The following ANKRD36 variants were observed in gnomAD, a reference collection of about 807,000 sequenced individuals.
ANKRD36 encodes ankyrin repeat domain 36.
Under a neutral mutation model 278.1 loss-of-function variants are expected in ANKRD36, and 179 were observed. The ratio of observed to expected loss-of-function variants is 0.64; its 90% CI spans 0.57 to 0.73. ANKRD36 has a LOEUF of 0.73. Ranked by LOEUF, ANKRD36 falls within the 30% of genes least tolerant of loss-of-function variation. ANKRD36 has a pLI of 0.00. For synonymous variants in ANKRD36, 320 were observed against 641.1 expected (o/e 0.50, Z 7.57); for missense variants, 1,159 against 1,956.7 (o/e 0.59, Z 7.69).
At chr2:97,207,441 G>T (rs1241136422) in intron 52 of ANKRD36, among the ~76,000 whole-genome samples, 8 of 151,522 alleles carry the variant, frequency 5.3e-5, no homozygotes, top group Non-Finnish European at 1.2e-4. Context: ...CTGCATGAAA[G>T]ACATGTGGGA....
intron 37 of ANKRD36, 21 bp from the exon 38 acceptor site, chr2:97,192,960 T>A (rs1427367824): frequency 1.9e-6 from 3 of 1,585,470 alleles, no homozygotes; most frequent in Non-Finnish European, 2.6e-6. Flanking sequence ...AATTTATTAT[T>A]TCATTTGAAA....
At chr2:97,198,830 A>G (rs1374717395) in intron 44 of ANKRD36, among the ~76,000 whole-genome samples, 172 bp downstream of exon 44, 1 of 151,772 alleles carries the variant, frequency 6.6e-6, no homozygotes, top group East Asian at 1.9e-4. Flanking sequence ...GGTCTGGAAC[A>G]TGATCTTCGC....
intron 6 of ANKRD36, among the ~76,000 whole-genome samples, chr2:97,132,898 C>G (rs907959220): frequency 6.6e-6 from 1 of 152,038 alleles, no homozygotes; most frequent in Non-Finnish European, 1.5e-5. Context: ...CAGTATGAGT[C>G]TGACTAGAGA....
In ANKRD36 at chr2:97,207,998, C is replaced by G. The variant is rs771949910; in HGVS notation, c.3257C>G (p.Thr1086Ser). 2.0e-6 allele frequency: 3 copies of G among 1,520,052 alleles called. No individual in the cohort carries two copies. Among genetic ancestry groups the G allele is most frequent in the Non-Finnish European group, 1.8e-6 (2 of 1,130,916 alleles). 94.2% of individuals were successfully genotyped at this position (1,520,052 alleles called of 1,614,324 possible). A position where few individuals can be genotyped will look rare whatever the true frequency, so the allele number is the denominator to read the frequency against. The stretch of plus-strand genomic sequence containing the variant: ...AGAGGAAAAAAGTATGGAGAAAAAA[C>G]TAAGAGAGGTAATTTTGAAAAGAGA... ...IARGKKYGEK[T>S]KRVSSRKKPA... Residue 1086 changes from threonine (T) to serine (S), a missense_variant, in exon 54 of 76, where the codon ACT becomes AGT. Physicochemically the swap from Thr to Ser is moderately conservative, Grantham distance 58 (BLOSUM62 1). Coordinates refer to ENST00000420699, the MANE Select transcript of ANKRD36 (RefSeq NM_001354587.1).
intron 54 of ANKRD36, 94 bp from the exon 55 acceptor site, chr2:97,209,587 A>T: frequency 6.4e-7 from 1 of 1,569,650 alleles, no homozygotes; most frequent in Non-Finnish European, 8.6e-7. Flanking sequence ...TAATACAGGC[A>T]GGAGGACAGA....
chr2:97,195,267 C>T (rs1485585405), intron 40 of ANKRD36, among the ~76,000 whole-genome samples: 2 of 151,906 alleles, frequency 1.3e-5, no homozygotes, highest in African/African-American at 2.4e-5. Context: ...GACGTCACAT[C>T]GTAGTGCTAA....
intron 40 of ANKRD36, among the ~76,000 whole-genome samples, chr2:97,195,508 A>G (rs2059514463): frequency 6.6e-6 from 1 of 152,026 alleles, no homozygotes; most frequent in African/African-American, 2.4e-5. Context: ...TGGCAGCTCC[A>G]GCAACTGCTG....
At chr2:97,119,807 GC>G (rs1379575639) in intron 3 of ANKRD36, among the ~76,000 whole-genome samples, 1 of 7,640 alleles carries the variant, frequency 1.3e-4, no homozygotes, top group East Asian at 8.7e-4. Context: ...GCCTCTAACA[GC>G]AACAACACAA....
rs1358051277 is a variant in ANKRD36, at chr2:97,118,386, C to G, written c.355C>G (p.Gln119Glu). ...GGAGGCTTGTGCAACTCTTCTGCTG[C>G]AAAATGGCGCCAATCCAAATATTAC... ...RQEACATLLL[Q>E]NGANPNITDF... The change falls in exon 3 of 76, where the codon CAA (glutamine) becomes GAA (glutamate). Residue 119 changes from glutamine to glutamate, a missense_variant. Gln to Glu is a conservative substitution (Grantham distance 29). Transcript: ENST00000420699. 1 of 1,608,760 alleles carries G rather than the reference C, an allele frequency of 6.2e-7. No individual in the cohort carries two copies. Among genetic ancestry groups the G allele is most frequent in the Non-Finnish European group, 8.5e-7 (1 of 1,177,768 alleles).
Position 97,164,107 on chromosome 2 carries a change from A to G in ANKRD36, c.1430-176A>G, listed in dbSNP as rs531013585. The G allele has an allele frequency of 1.3e-4, 125 of 985,414 alleles. No homozygotes were observed. In the African/African-American group the frequency reaches 2.0e-3, roughly 16 times the overall value. 61.0% of individuals were successfully genotyped at this position (985,414 alleles called of 1,614,324 possible). The stretch of plus-strand genomic sequence containing the variant: ...ATCTATATTGTGATTTTTCATGTGT[A>G]TATTCCTGTCATGTTTGTTTGCTAA... On this transcript the variant is annotated intron_variant, in intron 18 of 75. Coordinates refer to ENST00000420699, the MANE Select transcript of ANKRD36 (RefSeq NM_001354587.1).
rs1298890259 is a variant in ANKRD36 at position 97,174,945 on chromosome 2, T to C, written c.1634-4793T>C. Among the ~76,000 whole-genome samples, 4 of 145,946 alleles carry C rather than the reference T, an allele frequency of 2.7e-5. 1 individual carries two copies. In the South Asian group the frequency reaches 6.6e-4, roughly 24 times the overall value. ...GATTACATTTATTGATTTGCATATA[T>C]TGAACCAGCCTTGCATCCCAGGGAT... On this transcript the variant is annotated intron_variant, in intron 22 of 75. Transcript: ENST00000420699.
At chr2:97,125,711 A>G (rs142630510) in intron 5 of ANKRD36, among the ~76,000 whole-genome samples, 3,376 of 151,636 alleles carry the variant, frequency 0.022, 26 homozygotes, top group Non-Finnish European at 0.032. Flanking sequence ...GTGATCTGTT[A>G]TCTATAATAA....
At chr2:97,206,166 T>A (rs1350641550) in intron 52 of ANKRD36, 31 bp downstream of exon 52, 1 of 1,507,538 alleles carries the variant, frequency 6.6e-7, no homozygotes, top group Non-Finnish European at 8.9e-7. Flanking sequence ...AATGCCATGT[T>A]CAGTCGAGAT....
chr2:97,184,512 T>C (rs1347186744), intron 28 of ANKRD36, among the ~76,000 whole-genome samples: 1 of 151,798 alleles, frequency 6.6e-6, no homozygotes, highest in Non-Finnish European at 1.5e-5. Context: ...AATGTATTAA[T>C]TGAATCCTAA....
intron 6 of ANKRD36, among the ~76,000 whole-genome samples, chr2:97,132,899 T>C (rs1237287143): frequency 6.6e-6 from 1 of 152,116 alleles, no homozygotes; most frequent in Non-Finnish European, 1.5e-5. Context: ...AGTATGAGTC[T>C]GACTAGAGAC....
At chr2:97,171,347 T>G (rs2052429877) in intron 22 of ANKRD36, among the ~76,000 whole-genome samples, 1 of 147,016 alleles carries the variant, frequency 6.8e-6, no homozygotes, top group African/African-American at 2.5e-5. Context: ...GTGGCACATA[T>G]ACACCATGGA....
rs1249440646 is a variant in ANKRD36 at position 97,183,492 on chromosome 2, T to TTA, written c.1866+6_1866+7dup. On this transcript the variant is annotated splice_donor_region_variant and intron_variant, in intron 27 of 75. Coordinates refer to ENST00000420699, the MANE Select transcript of ANKRD36 (RefSeq NM_001354587.1). ...CAGAAACAATCGGCCTGGAAGGTAG[T>TTA]TACTCTTTCATTTATATTTTGAATT... 6.4e-7 allele frequency: 1 copy of TTA among 1,562,958 alleles called. No homozygotes were observed. Among genetic ancestry groups the TTA allele is most frequent in the African/African-American group, 1.4e-5 (1 of 72,786 alleles).
intron 44 of ANKRD36, among the ~76,000 whole-genome samples, chr2:97,198,923 C>G (rs1450676305): frequency 6.6e-6 from 1 of 151,820 alleles, no homozygotes; most frequent in Non-Finnish European, 1.5e-5. Flanking sequence ...CTCCGGGGAA[C>G]AACATAATTT....
chr2:97,231,095 G>C (rs1349240791), intron 67 of ANKRD36, among the ~76,000 whole-genome samples: 1 of 152,116 alleles, frequency 6.6e-6, no homozygotes, highest in Non-Finnish European at 1.5e-5. Context: ...CAGTGGTCAG[G>C]GTCTCACTTG....
Sources: allele counts gnomAD v4.1 joint callset (sites outside exome capture counted in the v4.1 genomes callset), GRCh38; gene constraint gnomAD v4.1.1; transcripts MANE v1.5; gene names NCBI Gene and HGNC (gene_info 2026-07-23, HGNC 2026-07-21).